NINJ1: variants seen among roughly 807,000 people sequenced by gnomAD.
The protein encoded by NINJ1 is ninjurin 1.
A neutral mutation model predicts 12.7 loss-of-function variants in NINJ1; 6 were observed. The ratio of observed to expected loss-of-function variants is 0.47; its 90% CI spans 0.26 to 0.93. NINJ1 has a LOEUF of 0.93. Ranked by LOEUF, NINJ1 falls within the 40% of genes least tolerant of loss-of-function variation. NINJ1 has a pLI of 0.15. For synonymous variants in NINJ1, 100 were observed against 96.0 expected (o/e 1.04, Z -0.25); for missense variants, 170 against 213.0 (o/e 0.80, Z 1.26).
In NINJ1 at chr9:93,126,395, C is replaced by T. The variant is rs757437474; in HGVS notation, c.304+15G>A. ...GGTGAGCAGGTGGCCTGGCTGCCCC[C>T]ACCTGGGGACCTACCAAGGAAGATG... On this transcript the variant is annotated intron_variant, in intron 2 of 3. Transcript: ENST00000375446. The T allele has an allele frequency of 6.2e-7, 1 of 1,604,792 alleles. No homozygotes were observed. Among genetic ancestry groups the T allele is most frequent in the South Asian group, 1.1e-5 (1 of 90,560 alleles).
chr9:93,129,576 C>A (rs572770249), intron 1 of NINJ1, among the ~76,000 whole-genome samples: 1 of 152,316 alleles, frequency 6.6e-6, no homozygotes, highest in East Asian at 1.9e-4. Context: ...CGCAAGCTCC[C>A]CCTCCGTTGG....
chr9:93,127,945 CA>C (rs1827837000), intron 1 of NINJ1, among the ~76,000 whole-genome samples: 2 of 152,232 alleles, frequency 1.3e-5, no homozygotes, highest in African/African-American at 4.8e-5. Flanking sequence ...GCAGCCAATA[CA>C]GAACCAGCAG....
chr9:93,134,209 C>A lies in NINJ1; in HGVS notation c.9G>T (p.Ser3=). The A allele has an allele frequency of 2.0e-6, 3 of 1,511,784 alleles. No individual in the cohort carries two copies. The highest frequency in any genetic ancestry group is 1.8e-6 in the Non-Finnish European group (2 of 1,124,966). 93.6% of individuals were successfully genotyped at this position (1,511,784 alleles called of 1,614,324 possible). The change falls in exon 1 of 4, where the codon TCG becomes TCT. Residue 3 remains serine (S), a synonymous_variant. Coordinates refer to ENST00000375446, the MANE Select transcript of NINJ1 (RefSeq NM_004148.4). MD[S]GTEEYELNGG... is the part of the protein sequence containing the mutation. ...CGTTGAGCTCGTACTCCTCGGTTCC[C>A]GAGTCCATGGTGCGGCCGCCCAGGC...
chr9:93,131,580 C>T (rs776328488), intron 1 of NINJ1: 4 of 152,270 alleles, frequency 2.6e-5, no homozygotes, highest in East Asian at 1.9e-4. Flanking sequence ...ACCAGATGGC[C>T]GTGTCCTAAC....
intron 1 of NINJ1, among the ~76,000 whole-genome samples, chr9:93,127,672 C>T (rs1159307793): frequency 2.6e-5 from 4 of 152,258 alleles, no homozygotes; most frequent in Non-Finnish European, 4.4e-5. Flanking sequence ...ACCTGCCAGC[C>T]CCTTGGCCCG....
Position 93,126,434 on chromosome 9 carries a change from C to CG in NINJ1, c.279dup (p.Val94ArgfsTer14). 3.1e-6 allele frequency: 5 copies of CG among 1,613,828 alleles called. No homozygotes were observed. The highest frequency in any genetic ancestry group is 4.2e-6 in the Non-Finnish European group (5 of 1,179,842). On this transcript the variant is annotated frameshift_variant, in exon 2 of 4. Transcript: ENST00000375446. LOFTEE classifies it high-confidence loss of function. ...CCAAGGAAGATGAGCAGCACCCCCACGCCGATCTGCAGCACAAGGGAGATG... is the reference window on the plus strand; with the variant it reads ...CCAAGGAAGATGAGCAGCACCCCCACGGCCGATCTGCAGCACAAGGGAGATG...
At chr9:93,132,629 C>A (rs933180824) in intron 1 of NINJ1, among the ~76,000 whole-genome samples, 1 of 152,218 alleles carries the variant, frequency 6.6e-6, no homozygotes, top group African/African-American at 2.4e-5. Flanking sequence ...TTTGCCCTGG[C>A]CTCTCCTGCC....
In NINJ1 at chr9:93,126,444, C is replaced by T; in HGVS notation, c.270G>A (p.Leu90=). The change falls in exon 2 of 4, where the codon CTG becomes CTA. Residue 90 remains leucine (L), a synonymous_variant. Coordinates refer to ENST00000375446, the MANE Select transcript of NINJ1 (RefSeq NM_004148.4). ...LVVLISISLV[L]QIGVGVLLIF... is the part of the protein sequence containing the mutation. ...TGAGCAGCACCCCCACGCCGATCTG[C>T]AGCACAAGGGAGATGGAGATGAGGA... 1.9e-6 allele frequency: 3 copies of T among 1,614,006 alleles called. No homozygotes were observed. Among genetic ancestry groups the T allele is most frequent in the African/African-American group, 1.3e-5 (1 of 75,030 alleles).
At chr9:93,132,242 G>A (rs1290761714) in intron 1 of NINJ1, among the ~76,000 whole-genome samples, 2 of 152,218 alleles carry the variant, frequency 1.3e-5, no homozygotes, top group Non-Finnish European at 2.9e-5. Context: ...CAGGCTGGGT[G>A]AGCAGAGCGG....
rs1248256715 is a variant in NINJ1 at position 93,126,563 on chromosome 9, T to C, written c.151A>G (p.Met51Val). ...GCCATCAGCAGCGCGATGTCCAGCA[T>C]GCTCTCGGCTGCGCTCTTCTTGCTG... ...YASKKSAAES[M>V]LDIALLMANA... is the part of the protein sequence containing the mutation. Residue 51 changes from methionine (M) to valine (V), a missense_variant, in exon 2 of 4, where the codon ATG (methionine) becomes GTG (valine). Physicochemically the swap from Met to Val is conservative, Grantham distance 21. Transcript: ENST00000375446. The C allele has an allele frequency of 2.5e-6, 4 of 1,613,908 alleles. No homozygotes were observed. Among genetic ancestry groups the C allele is most frequent in the Non-Finnish European group, 2.5e-6 (3 of 1,179,982 alleles).
chr9:93,130,161 A>T (rs6479454), intron 1 of NINJ1, among the ~76,000 whole-genome samples: 149,376 of 152,350 alleles, frequency 0.98, 73,278 homozygotes, highest in African/African-American at 1. Flanking sequence ...GGCCAGATAT[A>T]TTTCCTCTGA....
chr9:93,132,383 TC>T (rs1195655385), intron 1 of NINJ1, among the ~76,000 whole-genome samples: 2 of 152,046 alleles, frequency 1.3e-5, no homozygotes, highest in East Asian at 1.9e-4. Flanking sequence ...TGGCTTCCCA[TC>T]CCCCCACCTC....
At chr9:93,124,834 T>C in intron 3 of NINJ1, 65 bp downstream of exon 3, 3 of 1,519,306 alleles carry the variant, frequency 2.0e-6, no homozygotes, top group African/African-American at 1.4e-5. Flanking sequence ...CTCACCACAC[T>C]GCAAGAGCCT....
At chr9:93,129,923 C>T (rs1350347048) in intron 1 of NINJ1, among the ~76,000 whole-genome samples, 1 of 152,154 alleles carries the variant, frequency 6.6e-6, no homozygotes, top group Non-Finnish European at 1.5e-5. Context: ...AGGACGATCC[C>T]ACTCTCCCCC....
At chr9:93,131,722 G>C (rs1448977593) in intron 1 of NINJ1, among the ~76,000 whole-genome samples, 1 of 152,212 alleles carries the variant, frequency 6.6e-6, no homozygotes, top group Non-Finnish European at 1.5e-5. Context: ...CCTGGACACT[G>C]ATGGGGGCCC....
intron 2 of NINJ1, chr9:93,126,153 C>A: frequency 1.9e-6 from 1 of 519,318 alleles, no homozygotes; most frequent in South Asian, 2.4e-5. Flanking sequence ...GCCGAGACTG[C>A]GCCACTGCAT....
intron 1 of NINJ1, chr9:93,131,605 C>G (rs1466268707): frequency 2.6e-5 from 4 of 152,270 alleles, no homozygotes; most frequent in Admixed American, 2.6e-4. Flanking sequence ...TCCCCACCAC[C>G]TCCCTGCCTT....
chr9:93,124,849 C>T, intron 3 of NINJ1, 50 bp downstream of exon 3: 2 of 1,541,248 alleles, frequency 1.3e-6, no homozygotes, highest in South Asian at 1.3e-5. Context: ...GAGCCTCCAA[C>T]AGCGAGCAAC....
chr9:93,132,705 G>A (rs1175927370), intron 1 of NINJ1, among the ~76,000 whole-genome samples: 1 of 152,164 alleles, frequency 6.6e-6, no homozygotes, highest in East Asian at 1.9e-4. Context: ...TCTCCCTCTG[G>A]TGCCCAGAGC....
Sources: allele counts gnomAD v4.1 joint callset (sites outside exome capture counted in the v4.1 genomes callset), GRCh38; gene constraint gnomAD v4.1.1; transcripts MANE v1.5; gene names NCBI Gene and HGNC (gene_info 2026-07-23, HGNC 2026-07-21).